RAD50: variants seen among roughly 807,000 people sequenced by gnomAD.
The protein encoded by RAD50 is RAD50 double strand break repair protein.
RAD50 carries 132 observed loss-of-function variants against 168.8 expected under a neutral mutation model. The observed-to-expected ratio is 0.78, with a 90% CI of 0.68 to 0.90. RAD50 has a LOEUF of 0.90. Ranked by LOEUF, RAD50 falls within the 40% of genes least tolerant of loss-of-function variation. RAD50 has a pLI of 0.00. For missense variants in RAD50, 1,347 were observed against 1,534.4 expected, an observed-to-expected ratio of 0.88 and a Z score of 2.04; for synonymous variants, 525 against 497.4, an observed-to-expected ratio of 1.06 and a Z score of -0.74.
Position 132,638,159 on chromosome 5 carries a change from G to A in RAD50, c.3554G>A (p.Arg1185Gln), listed in dbSNP as rs747603489. The A allele has an allele frequency of 1.6e-5, 26 of 1,614,024 alleles. No individual in the cohort carries two copies. Among genetic ancestry groups the A allele is most frequent in the South Asian group, 6.6e-5 (6 of 91,090 alleles). ...GATAAAAGGCGGAATTATAACTACC[G>A]AGTGGTGATGCTGAAGGGAGACACA... ...ASDKRRNYNY[R>Q]VVMLKGDTAL... Residue 1185 changes from arginine (R) to glutamine (Q), a missense_variant, in exon 23 of 25, where the codon CGA becomes CAA. By Grantham distance (43) the Arg-to-Gln change is conservative (BLOSUM62 1). Around this residue, in one of 3 missense-constraint regions of RAD50, gnomAD observed 635 missense variants for 739.2 expected, o/e 0.86. Coordinates refer to ENST00000378823, the MANE Select transcript of RAD50 (RefSeq NM_005732.4).
intron 5 of RAD50, among the ~76,000 whole-genome samples, chr5:132,583,130 A>G (rs912645857): frequency 6.6e-6 from 1 of 152,202 alleles, no homozygotes; most frequent in Non-Finnish European, 1.5e-5. Flanking sequence ...GACTCTACTC[A>G]AAAGGTATTT....
intron 19 of RAD50, among the ~76,000 whole-genome samples, chr5:132,614,314 A>C (rs919976040): frequency 6.6e-6 from 1 of 152,214 alleles, no homozygotes; most frequent in Admixed American, 6.5e-5. Context: ...AAGGAACAAC[A>C]AGCATAGTAC....
intron 5 of RAD50, among the ~76,000 whole-genome samples, chr5:132,583,928 C>T (rs1224448189): frequency 1.3e-5 from 2 of 152,084 alleles, no homozygotes; most frequent in Non-Finnish European, 2.9e-5. Flanking sequence ...AACTCCCAAC[C>T]TCAGATGATC....
At chr5:132,633,600 G>T (rs911576855) in intron 21 of RAD50, among the ~76,000 whole-genome samples, 4 of 151,114 alleles carry the variant, frequency 2.6e-5, no homozygotes, top group Non-Finnish European at 4.4e-5. Context: ...TTTTCAGACA[G>T]GGTCTTACTC....
At position 132,573,781 on chromosome 5, in the gene RAD50, A is replaced by G. The variant is rs190761872; in HGVS notation, c.214-1996A>G. On this transcript the variant is annotated intron_variant, in intron 2 of 24. Transcript: ENST00000378823. ...AAATACAGCCATTCCAAATGGGAGA[A>G]ATTGGCCAAAACAAAGGGGCTACAG... is the stretch of plus-strand genomic sequence containing the variant. Among the ~76,000 whole-genome samples the G allele has an allele frequency of 1.8e-4, 27 of 152,328 alleles. No homozygotes were observed. The Middle Eastern group carries it at 0.017, about 96-fold the overall frequency.
intron 21 of RAD50, among the ~76,000 whole-genome samples, chr5:132,625,378 G>A (rs532567256): frequency 1.2e-4 from 18 of 152,230 alleles, no homozygotes; most frequent in South Asian, 8.3e-4. Context: ...GAGCCACCGC[G>A]CCCGGCCGAA....
At chr5:132,602,052 A>C (rs746515032) in intron 13 of RAD50, among the ~76,000 whole-genome samples, 18 of 152,170 alleles carry the variant, frequency 1.2e-4, no homozygotes, top group South Asian at 2.1e-4. Flanking sequence ...TGGGTGCAGC[A>C]AACCACCATG....
At chr5:132,598,645 C>CT (rs1490392635) in intron 13 of RAD50, among the ~76,000 whole-genome samples, 1 of 152,212 alleles carries the variant, frequency 6.6e-6, no homozygotes, top group Non-Finnish European at 1.5e-5. Context: ...GCTCACATGA[C>CT]TGACAGTGAT....
chr5:132,558,313 G>A (rs62383708), intron 1 of RAD50, among the ~76,000 whole-genome samples: 1 of 152,174 alleles, frequency 6.6e-6, no homozygotes, highest in African/African-American at 2.4e-5. Context: ...AGGACTGGCT[G>A]CCTCAATACA....
At chr5:132,559,743 A>C (rs1750087202) in intron 2 of RAD50, among the ~76,000 whole-genome samples, 1 of 152,102 alleles carries the variant, frequency 6.6e-6, no homozygotes, top group Non-Finnish European at 1.5e-5. Flanking sequence ...GTAGTTATGT[A>C]ATTTTCTTAC....
rs2149863638 is a variant in RAD50 at position 132,638,187 on chromosome 5, C to T, written c.3582C>T (p.Ala1194=). 6.2e-7 allele frequency: 1 copy of T among 1,614,168 alleles called. No individual in the cohort carries two copies. The highest frequency in any genetic ancestry group is 2.2e-5 in the East Asian group (1 of 44,886). The part of the protein sequence containing the change: ...YRVVMLKGDT[A]LDMRGRCSAG... ...TGGTGATGCTGAAGGGAGACACAGC[C>T]TTGGATATGCGAGGACGATGCAGTG... Residue 1194 remains alanine, a synonymous_variant, in exon 23 of 25, where the codon GCC becomes GCT. Coordinates refer to ENST00000378823, the MANE Select transcript of RAD50 (RefSeq NM_005732.4).
chr5:132,575,905 G>T lies in RAD50; in HGVS notation c.342G>T (p.Leu114=), dbSNP rs2149836467. 1.9e-6 allele frequency: 3 copies of T among 1,610,870 alleles called. No individual in the cohort carries two copies. The highest frequency in any genetic ancestry group is 2.5e-6 in the Non-Finnish European group (3 of 1,177,244). The change falls in exon 3 of 25, where the codon CTG becomes CTT. Residue 114 remains leucine (L), a synonymous_variant. Coordinates refer to ENST00000378823, the MANE Select transcript of RAD50 (RefSeq NM_005732.4). ...QKSKKTEFKT[L]EGVITRTKHG... ...GCAAAAAGACAGAATTTAAAACTCT[G>T]GAAGGAGTCATTACTAGAACAAAGT... is the stretch of plus-strand genomic sequence containing the variant.
intron 21 of RAD50, among the ~76,000 whole-genome samples, chr5:132,634,199 G>A (rs1418961993): frequency 5.3e-5 from 8 of 151,946 alleles, no homozygotes; most frequent in Non-Finnish European, 1.2e-4. Flanking sequence ...TACCATTCTG[G>A]ACTCCTTAGT....
chr5:132,559,241 T>G (rs1750076561), intron 1 of RAD50, 43 bp from the exon 2 acceptor site: 2 of 1,540,364 alleles, frequency 1.3e-6, no homozygotes, highest in Non-Finnish European at 1.8e-6. Context: ...TAAACTTCTG[T>G]GGTTCTCTTA....
chr5:132,596,790 G>T (rs879823891), intron 13 of RAD50, among the ~76,000 whole-genome samples: 4 of 152,192 alleles, frequency 2.6e-5, no homozygotes, highest in Non-Finnish European at 4.4e-5. Context: ...AAACAGATGT[G>T]TTAGGTAAGA....
At chr5:132,601,914 G>A (rs1292646769) in intron 13 of RAD50, among the ~76,000 whole-genome samples, 1 of 152,104 alleles carries the variant, frequency 6.6e-6, no homozygotes, top group African/African-American at 2.4e-5. Context: ...ACTCATAAAT[G>A]GGAGTTGAAC....
chr5:132,623,865 T>A (rs970167672), intron 21 of RAD50, among the ~76,000 whole-genome samples: 27 of 152,224 alleles, frequency 1.8e-4, no homozygotes, highest in African/African-American at 6.5e-4. Context: ...AGGAGAACTC[T>A]GGTTTCAGTA....
intron 22 of RAD50, 84 bp downstream of exon 22, chr5:132,637,284 T>A: frequency 6.5e-7 from 1 of 1,545,900 alleles, no homozygotes; most frequent in Non-Finnish European, 8.8e-7. Flanking sequence ...CATGCCAGCA[T>A]TACCTCCCTG....
chr5:132,611,843 C>A (rs1373523290), intron 19 of RAD50, among the ~76,000 whole-genome samples: 7 of 150,958 alleles, frequency 4.6e-5, no homozygotes, highest in African/African-American at 1.5e-4. Flanking sequence ...TAGTCTTCAA[C>A]AGACTTCGCA....
Sources: gnomAD v4.1 joint callset for allele counts (sites outside exome capture counted in the v4.1 genomes callset) on GRCh38, gnomAD v4.1.1 for gene constraint, gnomAD v4.1.1 regional missense constraint, MANE v1.5 for transcripts, NCBI Gene and HGNC (gene_info 2026-07-23, HGNC 2026-07-21) for gene names.